Variants in LANCL1 observed in about 807,000 individuals in gnomAD.
LANCL1 encodes the protein glutathione S-transferase LANCL1.
Under a neutral mutation model 50.6 loss-of-function variants are expected in LANCL1, and 50 were observed. That is an observed-to-expected ratio of 0.99 (90% CI 0.79 to 1.25). LANCL1 has a LOEUF of 1.25. Among genes scored for constraint, LANCL1 ranks in the 50% most tolerant of loss-of-function variants. The pLI is 0.00. For synonymous variants in LANCL1, 188 were observed against 178.6 expected (o/e 1.05, Z -0.42); for missense variants, 532 against 480.7 (o/e 1.11, Z -1.00).
chr2:210,455,774 T>A (rs1388675665), intron 3 of LANCL1, among the ~76,000 whole-genome samples: 1 of 151,878 alleles, frequency 6.6e-6, no homozygotes, highest in African/African-American at 2.4e-5. Context: ...AATTTCAATT[T>A]CTCTTTACGT....
At chr2:210,471,819 C>T in intron 3 of LANCL1, 140 bp downstream of exon 3, 1 of 751,362 alleles carries the variant, frequency 1.3e-6, no homozygotes, top group Non-Finnish European at 2.4e-6. Flanking sequence ...GTTGAGGGCA[C>T]AGCACTCTCC....
Position 210,434,245 on chromosome 2 carries a change from A to T in LANCL1, c.*242T>A, listed in dbSNP as rs569330907. 3 of 451,890 alleles carry T rather than the reference A, an allele frequency of 6.6e-6. No individual in the cohort carries two copies. The highest frequency in any genetic ancestry group is 7.9e-6 in the Non-Finnish European group (2 of 253,306). The allele number at this position is 451,890 out of a possible 1,614,324, so 28.0% of individuals were successfully genotyped here. A position where few individuals can be genotyped will look rare whatever the true frequency, so the allele number is the denominator to read the frequency against. On this transcript the variant is annotated 3_prime_UTR_variant, in exon 10 of 10. Coordinates refer to ENST00000450366, the MANE Select transcript of LANCL1 (RefSeq NM_006055.3). ...TATACAATCTCAAAACACTGTACAT[A>T]TCACTCACTCTCCCTTTAGGAAGAA...
At chr2:210,447,468 T>A (rs542939866) in intron 4 of LANCL1, among the ~76,000 whole-genome samples, 1 of 152,252 alleles carries the variant, frequency 6.6e-6, no homozygotes, top group African/African-American at 2.4e-5. Flanking sequence ...AATAACCAGC[T>A]ACATCATAAT....
chr2:210,470,953 T>TA (rs199853233), intron 3 of LANCL1, among the ~76,000 whole-genome samples: 2,516 of 152,210 alleles, frequency 0.017, 56 homozygotes, highest in Middle Eastern at 0.054. Context: ...ACTGAGTCTC[T>TA]AGACTATGCT....
chr2:210,471,662 AAATT>A (rs778221149), intron 3 of LANCL1: 1 of 543,380 alleles, frequency 1.8e-6, no homozygotes, highest in East Asian at 4.7e-5. Flanking sequence ...TTACATCTGC[AAATT>A]AACTATGTAA....
chr2:210,448,164 G>A (rs942136142), intron 4 of LANCL1, among the ~76,000 whole-genome samples: 3 of 152,190 alleles, frequency 2.0e-5, no homozygotes, highest in Non-Finnish European at 4.4e-5. Flanking sequence ...TCAGGCCATA[G>A]TGCAATCAAA....
chr2:210,451,708 C>G (rs760980906), intron 4 of LANCL1, among the ~76,000 whole-genome samples: 11 of 152,112 alleles, frequency 7.2e-5, no homozygotes, highest in Non-Finnish European at 1.5e-4. Context: ...ATTCCAAAGC[C>G]CCCATAGCAC....
Position 210,455,153 on chromosome 2 carries a change from A to G in LANCL1, c.361T>C (p.Tyr121His). 1.9e-6 allele frequency: 3 copies of G among 1,613,792 alleles called. No homozygotes were observed. Among genetic ancestry groups the G allele is most frequent in the Non-Finnish European group, 2.5e-6 (3 of 1,179,742 alleles). The change falls in exon 4 of 10, where the codon TAT becomes CAT. Residue 121 changes from tyrosine to histidine, a missense_variant. Coordinates refer to ENST00000450366, the MANE Select transcript of LANCL1 (RefSeq NM_006055.3). ...AGPLAVAAVL[Y>H]HKMNNEKQAE... ...TGCTTCTCATTGTTCATCTTGTGAT[A>G]TAGCACAGCGGCCACTGCCAGGGGG... is the stretch of plus-strand genomic sequence containing the variant.
chr2:210,473,632 G>A (rs1163725696), intron 2 of LANCL1, among the ~76,000 whole-genome samples: 1 of 152,064 alleles, frequency 6.6e-6, no homozygotes, highest in Non-Finnish European at 1.5e-5. Context: ...ACAGCAAGAA[G>A]GCAGTATCAG....
At chr2:210,435,765 T>C (rs1692906628) in intron 8 of LANCL1, among the ~76,000 whole-genome samples, 1 of 152,176 alleles carries the variant, frequency 6.6e-6, no homozygotes, top group Non-Finnish European at 1.5e-5. Context: ...GGAATGCTAA[T>C]TTAATTGAAA....
chr2:210,467,617 G>T (rs1030817797), intron 3 of LANCL1, among the ~76,000 whole-genome samples: 1 of 152,154 alleles, frequency 6.6e-6, no homozygotes, highest in Non-Finnish European at 1.5e-5. Flanking sequence ...TATCAGGAAG[G>T]CTTCCTCAAC....
intron 2 of LANCL1, 117 bp from the exon 3 acceptor site, chr2:210,472,193 G>A: frequency 4.6e-6 from 3 of 645,638 alleles, no homozygotes; most frequent in South Asian, 4.1e-5. Flanking sequence ...TTTTCCACCT[G>A]GAAGACTAAA....
Position 210,434,579 on chromosome 2 carries a change from G to A in LANCL1, c.1124-16C>T. On this transcript the variant is annotated splice_polypyrimidine_tract_variant and intron_variant, in intron 9 of 9. Coordinates refer to ENST00000450366, the MANE Select transcript of LANCL1 (RefSeq NM_006055.3). ...CCAGCCATTCCTGAAGAAAGAGAAA[G>A]AGGCAAAAGTTATTATACCAAATGA... 1 of 1,603,048 alleles carries A rather than the reference G, an allele frequency of 6.2e-7. No homozygotes were observed. Among genetic ancestry groups the A allele is most frequent in the East Asian group, 2.2e-5 (1 of 44,796 alleles).
At chr2:210,456,657 C>T (rs1693682620) in intron 3 of LANCL1, among the ~76,000 whole-genome samples, 1 of 151,998 alleles carries the variant, frequency 6.6e-6, no homozygotes, top group African/African-American at 2.4e-5. Flanking sequence ...TAGGCTTCAT[C>T]TCCATCCATA....
Position 210,435,348 on chromosome 2 carries a change from C to T in LANCL1, c.1123+39G>A, listed in dbSNP as rs201767735. ...TAATTACCAAGCAGAGAAGTAGATGCTGATATTATAGGGCAAATAAATAAA... is the reference window on the plus strand; with the variant it reads ...TAATTACCAAGCAGAGAAGTAGATGTTGATATTATAGGGCAAATAAATAAA... On this transcript the variant is annotated intron_variant, in intron 9 of 9. Transcript: ENST00000450366. 40 of 1,479,516 alleles carry T rather than the reference C, an allele frequency of 2.7e-5. No homozygotes were observed. In the African/African-American group the frequency reaches 4.3e-4, roughly 16 times the overall value. 91.6% of individuals were successfully genotyped at this position (1,479,516 alleles called of 1,614,324 possible).
upstream of LANCL1, among the ~76,000 whole-genome samples, chr2:210,477,222 A>T (rs778033915): frequency 3.9e-5 from 6 of 152,338 alleles, no homozygotes; most frequent in Admixed American, 6.5e-5. Context: ...AGGACAGGAT[A>T]TCAAATAGCA....
chr2:210,473,699 T>A (rs1694283990), intron 2 of LANCL1, among the ~76,000 whole-genome samples: 1 of 152,210 alleles, frequency 6.6e-6, no homozygotes, highest in South Asian at 2.1e-4. Flanking sequence ...CGGAGGAGCA[T>A]CCTTGATAAG....
intron 2 of LANCL1, among the ~76,000 whole-genome samples, chr2:210,473,018 A>G (rs960925135): frequency 2.6e-5 from 4 of 152,188 alleles, no homozygotes; most frequent in African/African-American, 9.7e-5. Context: ...TCATTACGTT[A>G]TTCTTCTTAA....
At chr2:210,463,229 T>G (rs80108891) in intron 3 of LANCL1, among the ~76,000 whole-genome samples, 1 of 152,110 alleles carries the variant, frequency 6.6e-6, no homozygotes, top group Non-Finnish European at 1.5e-5. Flanking sequence ...TTTTTTTTTT[T>G]GGAGACAGTC....
Sources: gnomAD v4.1 joint callset for allele counts (sites outside exome capture counted in the v4.1 genomes callset) on GRCh38, gnomAD v4.1.1 for gene constraint, MANE v1.5 for transcripts, NCBI Gene and HGNC (gene_info 2026-07-23, HGNC 2026-07-21) for gene names.